The following AUTS2 variants were observed in gnomAD, a reference collection of about 807,000 sequenced individuals.
The protein encoded by AUTS2 is activator of transcription and developmental regulator AUTS2.
Under a neutral mutation model 112.4 loss-of-function variants are expected in AUTS2, and 17 were observed. The ratio of observed to expected loss-of-function variants is 0.15; its 90% CI spans 0.10 to 0.23. The LOEUF (loss-of-function observed/expected upper bound fraction) is 0.23, where lower values mean the gene tolerates loss of function less well. Among genes scored for constraint, AUTS2 ranks in the 10% least tolerant of loss-of-function variants. The probability of loss-of-function intolerance (pLI) is 1.00; values close to 1 mark genes in which losing one functional copy is unlikely to be tolerated. For missense variants in AUTS2, 1,510 were observed against 1,701.6 expected (o/e 0.89, Z 1.98); for synonymous variants, 751 against 702.7 (o/e 1.07, Z -1.09).
chr7:69,776,348 G>T (rs1384723007), intron 1 of AUTS2, among the ~76,000 whole-genome samples: 3 of 152,190 alleles, frequency 2.0e-5, no homozygotes, highest in Admixed American at 6.5e-5. Flanking sequence ...ACTAGTAGGG[G>T]AAGGCATAGA....
chr7:69,919,062 G>A (rs1348905502), intron 2 of AUTS2, among the ~76,000 whole-genome samples: 1 of 152,014 alleles, frequency 6.6e-6, no homozygotes, highest in East Asian at 1.9e-4. Context: ...TTGTAGCTTG[G>A]GTCATTAACT....
chr7:70,725,200 C>A (rs1373683058), intron 6 of AUTS2, among the ~76,000 whole-genome samples: 3 of 152,132 alleles, frequency 2.0e-5, no homozygotes, highest in African/African-American at 7.2e-5. Flanking sequence ...TTAAATTGGA[C>A]TTTGAAAGTG....
chr7:69,997,918 C>T (rs1169840655), intron 2 of AUTS2, among the ~76,000 whole-genome samples: 5 of 152,130 alleles, frequency 3.3e-5, no homozygotes, highest in African/African-American at 4.8e-5. Context: ...GGTTGAAACT[C>T]GGGGTTTATT....
intron 6 of AUTS2, among the ~76,000 whole-genome samples, chr7:70,739,562 G>T (rs1161337945): frequency 6.6e-6 from 1 of 152,018 alleles, no homozygotes; most frequent in Non-Finnish European, 1.5e-5. Flanking sequence ...GAAGTTACAG[G>T]ATAGGAGATA....
chr7:69,864,495 A>G (rs567303646), intron 1 of AUTS2, among the ~76,000 whole-genome samples: 27 of 152,332 alleles, frequency 1.8e-4, no homozygotes, highest in Admixed American at 1.6e-3. Context: ...GAAATGATGC[A>G]TTAATGAACA....
rs370486227 is a variant in AUTS2 at position 70,328,652 on chromosome 7, G to A, written c.661-107100G>A. Among the ~76,000 whole-genome samples, 20 of 152,254 alleles carry A rather than the reference G, an allele frequency of 1.3e-4. No homozygotes were observed. The East Asian group carries it at 2.7e-3, about 21-fold the overall frequency. ...TAGACCTTACTCTCAAGAAGTTTCT[G>A]TGCAAGAGAGCAAATAAGCAATAAG... is the stretch of plus-strand genomic sequence containing the variant. On this transcript the variant is annotated intron_variant, in intron 4 of 18. Transcript: ENST00000342771.
At chr7:69,611,518 G>C (rs1223614785) in intron 1 of AUTS2, among the ~76,000 whole-genome samples, 1 of 152,222 alleles carries the variant, frequency 6.6e-6, no homozygotes, top group Admixed American at 6.5e-5. Flanking sequence ...AAATATTGAA[G>C]TATAATGTGA....
At chr7:70,517,142 C>A (rs764555471) in intron 5 of AUTS2, among the ~76,000 whole-genome samples, 3 of 152,156 alleles carry the variant, frequency 2.0e-5, no homozygotes, top group Non-Finnish European at 2.9e-5. Flanking sequence ...GATTTGTTTT[C>A]TTATAACAAG....
At position 70,790,971 on chromosome 7, in the gene AUTS2, C is replaced by T. The variant is rs149469010; in HGVS notation, c.3755C>T (p.Thr1252Met). 1.3e-6 allele frequency: 2 copies of T among 1,504,062 alleles called. No homozygotes were observed. Among genetic ancestry groups the T allele is most frequent in the South Asian group, 1.4e-5 (1 of 73,676 alleles). 93.2% of individuals were successfully genotyped at this position (1,504,062 alleles called of 1,614,324 possible). A position where few individuals can be genotyped will look rare whatever the true frequency, so the allele number is the denominator to read the frequency against. Residue 1252 changes from threonine (T) to methionine (M), a missense_variant, in exon 19 of 19, where the codon ACG (threonine) becomes ATG (methionine). Thr to Met is a moderately conservative substitution (Grantham distance 81). This residue lies in a region of AUTS2 where 788 missense variants were observed against 797.6 expected (regional missense o/e 0.99). Transcript: ENST00000342771. The surrounding 1 kb of genome is among the most constrained non-coding windows in gnomAD (Gnocchi z 7.6). ...AEIRERPPSH[T>M]LKDIEAR is the part of the protein sequence containing the mutation. ...ATAAGGGAGAGGCCCCCTTCCCACA[C>T]GCTGAAGGATATCGAGGCCCGATAA...
intron 1 of AUTS2, among the ~76,000 whole-genome samples, chr7:69,730,329 G>A (rs1026459857): frequency 2.0e-5 from 3 of 151,594 alleles, no homozygotes; most frequent in Admixed American, 6.6e-5. Flanking sequence ...ATTTTCTTCT[G>A]TTGCCTTAAG....
intron 5 of AUTS2, among the ~76,000 whole-genome samples, chr7:70,495,778 T>TCA (rs368760127): frequency 8.7e-4 from 14 of 16,022 alleles, no homozygotes; most frequent in Non-Finnish European, 1.2e-3. Flanking sequence ...ACGTACACAG[T>TCA]CACACACACA....
At chr7:70,642,578 C>T (rs1805897951) in intron 5 of AUTS2, among the ~76,000 whole-genome samples, 1 of 152,184 alleles carries the variant, frequency 6.6e-6, no homozygotes, top group African/African-American at 2.4e-5. Flanking sequence ...ATTCTCCATC[C>T]AAGCCTCAGC....
Position 70,331,285 on chromosome 7 carries a change from A to AT in AUTS2, c.661-104466dup, listed in dbSNP as rs575634559. 1.6e-4 allele frequency among the ~76,000 whole-genome samples: 25 copies of AT among 152,202 alleles called. 1 individual carries two copies. The East Asian group carries it at 4.8e-3, about 29-fold the overall frequency. ...TCCTGGTTTAGTCTTAGGAGGGTGT[A>AT]TGTGTCCAGAATTTATCCATTTCTT... is the stretch of plus-strand genomic sequence containing the variant. On this transcript the variant is annotated intron_variant, in intron 4 of 18. Transcript: ENST00000342771.
chr7:69,724,071 A>G (rs1786378135), intron 1 of AUTS2, among the ~76,000 whole-genome samples: 1 of 152,146 alleles, frequency 6.6e-6, no homozygotes, highest in Admixed American at 6.5e-5. Context: ...AGTATAAGCC[A>G]AGGAAATGTG....
intron 2 of AUTS2, among the ~76,000 whole-genome samples, chr7:70,104,058 T>G (rs1333149276): frequency 6.6e-6 from 1 of 152,102 alleles, no homozygotes; most frequent in East Asian, 1.9e-4. Flanking sequence ...ATGTGCCCAC[T>G]TGTCCTTTAC....
chr7:70,248,801 A>G (rs1813063273), intron 4 of AUTS2, among the ~76,000 whole-genome samples: 1 of 152,214 alleles, frequency 6.6e-6, no homozygotes, highest in East Asian at 1.9e-4. Context: ...AGGAAAGATA[A>G]TGATGAATAC....
chr7:70,163,218 A>C (rs1181343300), intron 4 of AUTS2, among the ~76,000 whole-genome samples: 1 of 151,638 alleles, frequency 6.6e-6, no homozygotes, highest in Non-Finnish European at 1.5e-5. Context: ...AACACCCAGG[A>C]CGAGATGTTC....
At chr7:70,220,791 C>G (rs910679358) in intron 4 of AUTS2, among the ~76,000 whole-genome samples, 6 of 152,092 alleles carry the variant, frequency 3.9e-5, no homozygotes, top group Non-Finnish European at 7.4e-5. Context: ...TATCATTTTT[C>G]CCCCAATTCT....
chr7:69,949,404 C>G (rs1796941919), intron 2 of AUTS2, among the ~76,000 whole-genome samples: 4 of 152,166 alleles, frequency 2.6e-5, no homozygotes, highest in Admixed American at 2.6e-4. Context: ...CATGTAGGTG[C>G]TATTTTTGTC....
Sources: gnomAD v4.1 joint callset for allele counts (sites outside exome capture counted in the v4.1 genomes callset) on GRCh38, gnomAD v4.1.1 for gene constraint, gnomAD v4.1.1 regional missense constraint, Gnocchi (gnomAD v3.1) non-coding constraint, MANE v1.5 for transcripts, NCBI Gene and HGNC (gene_info 2026-07-23, HGNC 2026-07-21) for gene names.